Variants in FRMPD3 observed in about 807,000 individuals in gnomAD.
FRMPD3 encodes the protein FERM and PDZ domain containing 3, also known as FERM and PDZ domain-containing protein 3.
In FRMPD3, 42 loss-of-function variants were observed where a neutral mutation model predicts 97.9. The ratio of observed to expected loss-of-function variants is 0.43; its 90% CI spans 0.34 to 0.55. The LOEUF (loss-of-function observed/expected upper bound fraction) is 0.55. FRMPD3 is among the 20% of genes least tolerant of loss of function. The pLI is 0.03. For synonymous variants in FRMPD3, 577 were observed against 581.1 expected (o/e 0.99, Z 0.10); for missense variants, 1,303 against 1,457.7 (o/e 0.89, Z 1.73).
intron 1 of FRMPD3, among the ~76,000 whole-genome samples, chrX:107,478,567 C>A (rs953879079): frequency 9.0e-6 from 1 of 111,664 alleles, no homozygotes; most frequent in African/African-American, 3.3e-5. Context: ...TCCATAAAAC[C>A]TAGCACAGTT....
Position 107,501,353 on chromosome X carries a change from ATTTTTTTTTTTTTT to A in FRMPD3, c.-7-25216_-7-25203del, listed in dbSNP as rs1180253334. ...ACTAAAGCCAATTCTCTTGTCTCCT[ATTTTTTTTTTTTTT>A]TTTTTTTTTTTTGAGACGGAGTCTC... is the stretch of plus-strand genomic sequence containing the variant. On this transcript the variant is annotated intron_variant, in intron 1 of 14. Coordinates refer to ENST00000683843, the MANE Select transcript of FRMPD3 (RefSeq NM_001388459.1). 1.6e-4 allele frequency among the ~76,000 whole-genome samples: 7 copies of A among 44,728 alleles called. No homozygotes were observed. In the East Asian group the frequency reaches 3.2e-3, roughly 20 times the overall value. 38.8% of individuals were successfully genotyped at this position (44,728 alleles called of 115,157 possible). A position where few individuals can be genotyped will look rare whatever the true frequency, so the allele number is the denominator to read the frequency against.
At chrX:107,454,453 C>T in intron 1 of FRMPD3, among the ~76,000 whole-genome samples, 1 of 111,122 alleles carries the variant, frequency 9.0e-6, no homozygotes, top group Non-Finnish European at 1.9e-5. Context: ...CATTATTTCT[C>T]AGAGATGACT....
chrX:107,478,766 G>A (rs948479571), intron 1 of FRMPD3, among the ~76,000 whole-genome samples: 1 of 112,294 alleles, frequency 8.9e-6, no homozygotes, highest in African/African-American at 3.2e-5. Context: ...AAAAGCAGCC[G>A]AAAACTCAAG....
rs999276339 is a variant in FRMPD3, at chrX:107,604,708, A to C, written c.*1335A>C. Reference sequence around the variant, plus strand: ...TAGATTGCTTCTCGTCCGCCTCTCCATATCTCCCCATTTCCCACACCCTTG... The same window carrying C: ...TAGATTGCTTCTCGTCCGCCTCTCCCTATCTCCCCATTTCCCACACCCTTG... On this transcript the variant is annotated 3_prime_UTR_variant, in exon 15 of 15. Transcript: ENST00000683843. 1 of 109,051 alleles carries C rather than the reference A, an allele frequency of 9.2e-6. No homozygotes were observed. The highest frequency in any genetic ancestry group is 1.9e-5 in the Non-Finnish European group (1 of 52,522). 9.0% of individuals were successfully genotyped at this position (109,051 alleles called of 1,213,427 possible).
intron 4 of FRMPD3, among the ~76,000 whole-genome samples, chrX:107,541,243 C>T (rs1569419153): frequency 8.9e-6 from 1 of 112,818 alleles, no homozygotes; most frequent in Non-Finnish European, 1.9e-5. Context: ...TTACGAACTT[C>T]AAGCCCCAGA....
intron 1 of FRMPD3, among the ~76,000 whole-genome samples, chrX:107,507,901 C>T (rs954274550): frequency 7.1e-5 from 8 of 111,944 alleles, no homozygotes; most frequent in African/African-American, 2.6e-4. Context: ...ACTATGTGCC[C>T]GACATTGTGC....
chrX:107,467,025 A>G (rs28646118), intron 1 of FRMPD3, among the ~76,000 whole-genome samples: 2 of 85,246 alleles, frequency 2.3e-5, no homozygotes, highest in Non-Finnish European at 4.6e-5. Flanking sequence ...TGTGTGTGTG[A>G]GAGAGAGAGA....
intron 13 of FRMPD3, among the ~76,000 whole-genome samples, chrX:107,592,416 G>A (rs764104145): frequency 1.3e-4 from 14 of 111,141 alleles, no homozygotes; most frequent in South Asian, 3.8e-4. Context: ...ATGGAATCTC[G>A]CTCTGTCACC....
chrX:107,497,009 G>A (rs756946705), intron 1 of FRMPD3, among the ~76,000 whole-genome samples: 6 of 112,289 alleles, frequency 5.3e-5, no homozygotes, highest in Non-Finnish European at 9.4e-5. Flanking sequence ...CTCAGTGTGG[G>A]AGTGGGAGGA....
At chrX:107,511,197 C>T (rs190442502) in intron 1 of FRMPD3, among the ~76,000 whole-genome samples, 5 of 111,772 alleles carry the variant, frequency 4.5e-5, no homozygotes, top group African/African-American at 6.5e-5. Flanking sequence ...TTGTCTATGC[C>T]GGGTCAGCTA....
intron 4 of FRMPD3, among the ~76,000 whole-genome samples, chrX:107,539,373 C>G (rs1388008988): frequency 8.9e-6 from 1 of 112,216 alleles, no homozygotes; most frequent in African/African-American, 3.2e-5. Flanking sequence ...TCATGACTGA[C>G]TGGATATTTA....
At chrX:107,470,186 T>C (rs1393783375) in intron 1 of FRMPD3, among the ~76,000 whole-genome samples, 1 of 112,704 alleles carries the variant, frequency 8.9e-6, no homozygotes, top group Non-Finnish European at 1.9e-5. Flanking sequence ...GTATAACAAA[T>C]TATCCCAACA....
At chrX:107,566,052 A>G (rs1922588939) in intron 12 of FRMPD3, among the ~76,000 whole-genome samples, 1 of 112,536 alleles carries the variant, frequency 8.9e-6, no homozygotes. Context: ...CCTTAGATTC[A>G]TTCCCATAGA....
intron 13 of FRMPD3, among the ~76,000 whole-genome samples, chrX:107,590,655 G>A (rs1923859967): frequency 8.8e-6 from 1 of 113,026 alleles, no homozygotes; most frequent in Admixed American, 9.3e-5. Context: ...GGATGTTAAA[G>A]CAACCTTGCA....
chrX:107,460,809 G>A (rs1182399359), intron 1 of FRMPD3, among the ~76,000 whole-genome samples: 2 of 111,282 alleles, frequency 1.8e-5, no homozygotes, highest in East Asian at 5.6e-4. Flanking sequence ...GGCTGACAAG[G>A]GTCCTGTGTG....
intron 13 of FRMPD3, among the ~76,000 whole-genome samples, chrX:107,585,551 C>T (rs1923605013): frequency 9.0e-6 from 1 of 111,706 alleles, no homozygotes; most frequent in African/African-American, 3.3e-5. Context: ...AGCTTTTGCC[C>T]ATTCAATATG....
At chrX:107,453,055 C>T (rs992812639) in intron 1 of FRMPD3, among the ~76,000 whole-genome samples, 1 of 110,989 alleles carries the variant, frequency 9.0e-6, no homozygotes, top group Non-Finnish European at 1.9e-5. Context: ...CACCCTCCCC[C>T]ACTACGCATA....
chrX:107,455,348 A>T (rs1268733263), intron 1 of FRMPD3, among the ~76,000 whole-genome samples: 1 of 111,933 alleles, frequency 8.9e-6, no homozygotes, highest in Admixed American at 9.5e-5. Flanking sequence ...TGAGCCCAGG[A>T]GTTTGAAACC....
chrX:107,599,277 AAAG>A (rs1297327004), intron 14 of FRMPD3, among the ~76,000 whole-genome samples: 1 of 110,584 alleles, frequency 9.0e-6, no homozygotes, highest in Non-Finnish European at 1.9e-5. Flanking sequence ...TAAAAAAAAA[AAAG>A]AAGAAAAAAG....
Sources: gnomAD v4.1 joint callset for allele counts (sites outside exome capture counted in the v4.1 genomes callset) on GRCh38, gnomAD v4.1.1 for gene constraint, MANE v1.5 for transcripts, NCBI Gene and HGNC (gene_info 2026-07-23, HGNC 2026-07-21) for gene names.